Variants in RAPSN observed in about 807,000 individuals in gnomAD.
RAPSN encodes the protein receptor associated protein of the synapse.
In RAPSN, 33 loss-of-function variants were observed where a neutral mutation model predicts 45.7. The ratio of observed to expected loss-of-function variants is 0.72; its 90% CI spans 0.55 to 0.97. The LOEUF is 0.97. RAPSN is among the 50% of genes least tolerant of loss of function. The pLI is 0.00. For missense variants in RAPSN, 519 were observed against 559.4 expected (o/e 0.93, Z 0.73); for synonymous variants, 244 against 233.6 (o/e 1.04, Z -0.40).
intron 2 of RAPSN, among the ~76,000 whole-genome samples, chr11:47,446,939 T>C (rs1453384618): frequency 6.6e-6 from 1 of 152,082 alleles, no homozygotes; most frequent in Admixed American, 6.6e-5. Context: ...GATCAGAACC[T>C]GCTGTGGCTG....
chr11:47,445,929 C>CTT (rs759897915), intron 2 of RAPSN, among the ~76,000 whole-genome samples: 1 of 144,606 alleles, frequency 6.9e-6, no homozygotes, highest in East Asian at 2.0e-4. Context: ...CACACTTGGG[C>CTT]TTTTTTTTTT....
Position 47,441,832 on chromosome 11 carries a change from C to T in RAPSN, c.780G>A (p.Gly260=), listed in dbSNP as rs1348078768. The T allele has an allele frequency of 1.3e-6, 2 of 1,581,388 alleles. No homozygotes were observed. The highest frequency in any genetic ancestry group is 1.7e-6 in the Non-Finnish European group (2 of 1,169,576). Residue 260 remains glycine (G), a synonymous_variant, in exon 4 of 8, where the codon GGG becomes GGA. Transcript: ENST00000298854. ...ATCCCGGTGACCTCACCTCCAGGTC[C>T]CCACGGCTCCGGTGGATGTCAGCGA... ...LCFADIHRSR[G]DLETAFPRYD...
chr11:47,439,063 G>T, intron 6 of RAPSN, 132 bp from the exon 7 acceptor site: 1 of 1,013,532 alleles, frequency 9.9e-7, no homozygotes, highest in Non-Finnish European at 1.4e-6. Context: ...CTGGGACCTT[G>T]CTTCCTTTCA....
At chr11:47,438,195 A>G in intron 7 of RAPSN, 148 bp from the exon 8 acceptor site, 1 of 962,026 alleles carries the variant, frequency 1.0e-6, no homozygotes. Flanking sequence ...CGGTCCCCCC[A>G]GGCTCCCACT....
chr11:47,447,763 G>T, intron 2 of RAPSN, 49 bp downstream of exon 2: 1 of 1,559,508 alleles, frequency 6.4e-7, no homozygotes, highest in Non-Finnish European at 8.7e-7. Context: ...CCTCATGAGA[G>T]GGGAGCCCCA....
At chr11:47,440,158 C>T (rs936683064) in intron 6 of RAPSN, among the ~76,000 whole-genome samples, 2 of 152,214 alleles carry the variant, frequency 1.3e-5, no homozygotes, top group Admixed American at 6.5e-5. Flanking sequence ...TTGAGCCTCA[C>T]TTTTCCTCAT....
chr11:47,439,044 C>A, intron 6 of RAPSN, 113 bp from the exon 7 acceptor site: 1 of 1,183,536 alleles, frequency 8.4e-7, no homozygotes, highest in Non-Finnish European at 1.2e-6. Flanking sequence ...GAAAAATGTC[C>A]TGCCCTCTCT....
chr11:47,438,542 T>C, intron 7 of RAPSN, 190 bp downstream of exon 7: 1 of 645,200 alleles, frequency 1.5e-6, no homozygotes, highest in Non-Finnish European at 2.6e-6. Flanking sequence ...AAGATGATCT[T>C]GAACCCCGGG....
intron 2 of RAPSN, 65 bp from the exon 3 acceptor site, chr11:47,442,879 C>G: frequency 1.9e-6 from 3 of 1,605,720 alleles, no homozygotes; most frequent in Non-Finnish European, 2.5e-6. Context: ...GTCAAGGGCT[C>G]CTGGGCTAGG....
Position 47,448,106 on chromosome 11 carries a change from G to A in RAPSN, c.237C>T (p.Ala79=), listed in dbSNP as rs888989685. ...TCAGGTAGCTCTCCAGGAGGAAGTC[G>A]GCATCCTCCAGCTCCCGGGCCGTGT... ...QIDTARELED[A]DFLLESYLNL... is the part of the protein sequence containing the mutation. Residue 79 remains alanine, a synonymous_variant, in exon 2 of 8, where the codon GCC becomes GCT. Coordinates refer to ENST00000298854, the MANE Select transcript of RAPSN (RefSeq NM_005055.5). The A allele has an allele frequency of 9.3e-6, 15 of 1,613,594 alleles. No individual in the cohort carries two copies. In the Admixed American group the frequency reaches 1.3e-4, roughly 14 times the overall value.
At chr11:47,440,790 A>G (rs958114920) in intron 6 of RAPSN, among the ~76,000 whole-genome samples, 28 of 152,088 alleles carry the variant, frequency 1.8e-4, no homozygotes, top group Non-Finnish European at 1.3e-4. Flanking sequence ...TTTTTAGAGC[A>G]TGGGTCTCAT....
Position 47,442,712 on chromosome 11 carries a change from T to C in RAPSN, c.634A>G (p.Met212Val). 1.2e-6 allele frequency: 2 copies of C among 1,614,224 alleles called. No individual in the cohort carries two copies. The highest frequency in any genetic ancestry group is 1.7e-6 in the Non-Finnish European group (2 of 1,180,038). Residue 212 changes from methionine (M) to valine (V), a missense_variant, in exon 3 of 8, where the codon ATG becomes GTG. Coordinates refer to ENST00000298854, the MANE Select transcript of RAPSN (RefSeq NM_005055.5). Reference sequence around the variant, plus strand: ...CCCAGCAGGCGATAGGCCACGGCCATGTGGTACTGGCTCATGGCCCGGTAC... The same window carrying C: ...CCCAGCAGGCGATAGGCCACGGCCACGTGGTACTGGCTCATGGCCCGGTAC... ...LKYRAMSQYH[M>V]AVAYRLLGRL...
chr11:47,443,931 CAAAAAAAAAA>C (rs1161231934), intron 2 of RAPSN, among the ~76,000 whole-genome samples: 3 of 13,952 alleles, frequency 2.2e-4, no homozygotes, highest in African/African-American at 3.2e-4. Flanking sequence ...CTCTGTCTCA[CAAAAAAAAAA>C]AAAAAAAAAA....
At position 47,441,149 on chromosome 11, in the gene RAPSN, C is replaced by G; in HGVS notation, c.966+10G>C. On this transcript the variant is annotated intron_variant, in intron 6 of 7. Coordinates refer to ENST00000298854, the MANE Select transcript of RAPSN (RefSeq NM_005055.5). ...TGACCCCAGATCCAGGACACAGAAT[C>G]AAGTCTGACCTTGTTCCCCACCTCC... is the stretch of plus-strand genomic sequence containing the variant. The G allele has an allele frequency of 2.5e-6, 4 of 1,614,096 alleles. No homozygotes were observed. The highest frequency in any genetic ancestry group is 3.4e-6 in the Non-Finnish European group (4 of 1,180,004).
At chr11:47,444,285 C>T (rs1352062901) in intron 2 of RAPSN, among the ~76,000 whole-genome samples, 1 of 152,106 alleles carries the variant, frequency 6.6e-6, no homozygotes, top group Non-Finnish European at 1.5e-5. Context: ...TGTCTGTAAT[C>T]CCAGCACTCG....
rs201291481 is a variant in RAPSN, at chr11:47,448,959, C to T, written c.6G>A (p.Gly2=). Residue 2 remains glycine, a synonymous_variant, in exon 1 of 8, where the codon GGG becomes GGA. Transcript: ENST00000298854. ...CGATCTGCTGCTTGGTCTGGTCCTGCCCCATCCTCCCCAAGCCCTGTGTCC... is the reference window on the plus strand; with the variant it reads ...CGATCTGCTGCTTGGTCTGGTCCTGTCCCATCCTCCCCAAGCCCTGTGTCC... M[G]QDQTKQQIEK... is the part of the protein sequence containing the mutation. 2 of 1,614,234 alleles carry T rather than the reference C, an allele frequency of 1.2e-6. No homozygotes were observed. The highest frequency in any genetic ancestry group is 1.7e-5 in the Admixed American group (1 of 60,032).
intron 2 of RAPSN, among the ~76,000 whole-genome samples, chr11:47,447,559 C>A (rs1167086977): frequency 1.3e-5 from 2 of 152,214 alleles, no homozygotes; most frequent in Non-Finnish European, 2.9e-5. Flanking sequence ...GGCCGCTGGC[C>A]TGTCCTCACA....
Position 47,438,922 on chromosome 11 carries a change from G to A in RAPSN, c.976C>T (p.Leu326Phe), listed in dbSNP as rs1195401915. 1 of 1,557,420 alleles carries A rather than the reference G, an allele frequency of 6.4e-7. No homozygotes were observed. Among genetic ancestry groups the A allele is most frequent in the Admixed American group, 1.9e-5 (1 of 51,532 alleles). The change falls in exon 7 of 8, where the codon CTC becomes TTC. Residue 326 changes from leucine (L) to phenylalanine (F), a missense_variant. Leu to Phe is a conservative substitution (Grantham distance 22). Transcript: ENST00000298854. ...AEEVGNKLSQ[L>F]KLHCLSESIY... ...CTCTCGCTCAGACAGTGCAGCTTGA[G>A]CTGGCTCAGCTGGGGCCCGCAGGAG...
intron 6 of RAPSN, among the ~76,000 whole-genome samples, chr11:47,440,239 C>G (rs2076352640): frequency 1.3e-5 from 2 of 152,096 alleles, no homozygotes; most frequent in Admixed American, 6.6e-5. Flanking sequence ...CCCATAAGGA[C>G]CCTGTGTGTG....
Sources: gnomAD v4.1 joint callset for allele counts (sites outside exome capture counted in the v4.1 genomes callset) on GRCh38, gnomAD v4.1.1 for gene constraint, MANE v1.5 for transcripts, NCBI Gene and HGNC (gene_info 2026-07-23, HGNC 2026-07-21) for gene names.